C16orf96: variants seen among roughly 807,000 people sequenced by gnomAD.
The protein encoded by C16orf96 is chromosome 16 open reading frame 96, also known as uncharacterized protein C16orf96.
In C16orf96, 108 loss-of-function variants were observed where a neutral mutation model predicts 103.6. That is an observed-to-expected ratio of 1.04 (90% CI 0.89 to 1.22). The LOEUF (loss-of-function observed/expected upper bound fraction) is 1.22, where lower values mean the gene tolerates loss of function less well. Ranked by LOEUF, C16orf96 falls within the 50% of genes most tolerant of loss-of-function variation. C16orf96 has a pLI of 0.00. For synonymous variants in C16orf96, 566 were observed against 593.5 expected (o/e 0.95, Z 0.67); for missense variants, 1,586 against 1,464.2 (o/e 1.08, Z -1.36).
Position 4,593,296 on chromosome 16 carries a change from C to T in C16orf96, c.2847C>T (p.Tyr949=). 1 of 1,550,928 alleles carries T rather than the reference C, an allele frequency of 6.4e-7. No homozygotes were observed. The highest frequency in any genetic ancestry group is 8.7e-7 in the Non-Finnish European group (1 of 1,146,866). ...CAGCCAGCGCCAACAGCTGCGAGTA[C>T]TTGCAGCGGCAACAGATGAGGTGAG... is the stretch of plus-strand genomic sequence containing the variant. ...LRPASANSCE[Y]LQRQQMREQQ... Residue 949 remains tyrosine (Y), a synonymous_variant, in exon 12 of 16, where the codon TAC becomes TAT. Transcript: ENST00000444310. The surrounding 1 kb of genome is among the most constrained non-coding windows in gnomAD (Gnocchi z 4.2).
chr16:4,572,443 G>A (rs1289926910), intron 2 of C16orf96, among the ~76,000 whole-genome samples: 1 of 151,784 alleles, frequency 6.6e-6, no homozygotes, highest in Admixed American at 6.6e-5. Flanking sequence ...GGGACTACAG[G>A]CGCCCGCCCC....
chr16:4,577,895 T>G (rs2059532532), intron 5 of C16orf96, among the ~76,000 whole-genome samples: 1 of 152,040 alleles, frequency 6.6e-6, no homozygotes, highest in African/African-American at 2.4e-5. Flanking sequence ...AGGCAGAGGT[T>G]GCAGTGAGCA....
intron 1 of C16orf96, chr16:4,561,586 G>C (rs2059332005): frequency 2.0e-5 from 3 of 152,320 alleles, no homozygotes; most frequent in Non-Finnish European, 4.4e-5. Flanking sequence ...GCTCACAAAA[G>C]GGGCTCGTGG....
chr16:4,547,689 C>CTTCCTTCTTTCT, the C16orf96 span, among the ~76,000 whole-genome samples: 373 of 22,436 alleles, frequency 0.017, 2 homozygotes, highest in South Asian at 0.057. Context: ...TCCTTCCTTC[C>CTTCCTTCTTTCT]TTCTTTCTTT....
intron 15 of C16orf96, 64 bp downstream of exon 15, chr16:4,599,428 G>T (rs1053325473): frequency 7.2e-7 from 1 of 1,394,010 alleles, no homozygotes; most frequent in Admixed American, 2.0e-5. Flanking sequence ...GTCCCTCCTC[G>T]TCTCATCCCA....
In C16orf96 at chr16:4,594,455, G is replaced by T. The variant is rs1270780237; in HGVS notation, c.2972G>T (p.Cys991Phe). 2 of 1,551,556 alleles carry T rather than the reference G, an allele frequency of 1.3e-6. No individual in the cohort carries two copies. The highest frequency in any genetic ancestry group is 1.7e-6 in the Non-Finnish European group (2 of 1,147,000). ...GCCACCAGCCTCAAGTGCAAGTCCT[G>T]CAACCTGTTGACGCTCTATCCCTAC... is the stretch of plus-strand genomic sequence containing the variant. ...QNATSLKCKS[C>F]NLLTLYPYGD... Residue 991 changes from cysteine (C) to phenylalanine (F), a missense_variant, in exon 13 of 16, where the codon TGC becomes TTC. Cys to Phe is a radical substitution (Grantham distance 205). Transcript: ENST00000444310.
At position 4,594,743 on chromosome 16, in the gene C16orf96, A is replaced by C. The variant is rs886360188; in HGVS notation, c.3067A>C (p.Lys1023Gln). The C allele has an allele frequency of 1.1e-5, 17 of 1,551,138 alleles. No homozygotes were observed. Among genetic ancestry groups the C allele is most frequent in the African/African-American group, 2.7e-5 (2 of 73,044 alleles). Residue 1023 changes from lysine to glutamine, a missense_variant, in exon 14 of 16, where the codon AAA becomes CAA. By Grantham distance (53) the Lys-to-Gln change is moderately conservative (BLOSUM62 1). Transcript: ENST00000444310. Reference sequence around the variant, plus strand: ...CCTGGGCGTGGATGGGATCCTGTACAAAGGCCGCGTGAACAGCCAGCGTGG... The same window carrying C: ...CCTGGGCGTGGATGGGATCCTGTACCAAGGCCGCGTGAACAGCCAGCGTGG... ...DILGVDGILY[K>Q]GRVNSQRGAQ...
chr16:4,586,750 G>A (rs977381065), intron 7 of C16orf96, among the ~76,000 whole-genome samples: 5 of 152,202 alleles, frequency 3.3e-5, no homozygotes, highest in African/African-American at 9.7e-5. Context: ...GAGCGAAATC[G>A]TCCACATTGG....
rs1333645692 is a variant in C16orf96, at chr16:4,588,326, A to G, written c.2587A>G (p.Thr863Ala). The G allele has an allele frequency of 1.3e-6, 2 of 1,548,212 alleles. No individual in the cohort carries two copies. Among genetic ancestry groups the G allele is most frequent in the Non-Finnish European group, 1.7e-6 (2 of 1,144,392 alleles). The stretch of plus-strand genomic sequence containing the variant: ...GGAGGAGCTCAGCAAGGACGTGAAC[A>G]CCAAGGTGAATGCCCCCATGTTGAT... ...AMEELSKDVNTKLVHSDLDPL... is the reference protein window; with the variant it reads ...AMEELSKDVNAKLVHSDLDPL... Residue 863 changes from threonine (T) to alanine (A), a missense_variant, in exon 9 of 16, where the codon ACC becomes GCC. Physicochemically the swap from Thr to Ala is moderately conservative, Grantham distance 58 (BLOSUM62 0). Transcript: ENST00000444310.
chr16:4,548,918 C>T, the C16orf96 span, among the ~76,000 whole-genome samples: 4 of 151,308 alleles, frequency 2.6e-5, no homozygotes, highest in Admixed American at 1.3e-4. Context: ...TCCACTTTCT[C>T]TATAACCAGT....
chr16:4,594,669 G>A (rs1897132820), intron 13 of C16orf96, 35 bp from the exon 14 acceptor site: 2 of 1,549,544 alleles, frequency 1.3e-6, no homozygotes, highest in East Asian at 2.4e-5. Context: ...ATCGGGTCGG[G>A]GGCTCCCTAA....
the C16orf96 span, among the ~76,000 whole-genome samples, chr16:4,540,103 C>T: frequency 1.3e-5 from 2 of 152,216 alleles, no homozygotes; most frequent in East Asian, 3.8e-4. Context: ...TACATTGGCT[C>T]TATCTGGGCA....
intron 1 of C16orf96, among the ~76,000 whole-genome samples, chr16:4,567,515 C>T (rs917900743): frequency 3.3e-5 from 5 of 150,686 alleles, no homozygotes; most frequent in Non-Finnish European, 4.4e-5. Flanking sequence ...TTTGATCTGA[C>T]CTCATCATCC....
rs58065868 is a variant in C16orf96 at position 4,581,141 on chromosome 16, CATATATATATATATATAT to C, written c.2352+1042_2352+1059del. ...CTCTGTCTAAAAATATATATGTATA[CATATATATATATATATAT>C]ATATATATATATATATATATATATA... On this transcript the variant is annotated intron_variant, in intron 7 of 15. Transcript: ENST00000444310. Among the ~76,000 whole-genome samples the C allele has an allele frequency of 7.0e-3, 329 of 46,752 alleles. 8 individuals are homozygous for C. The highest frequency in any genetic ancestry group is 0.032 in the South Asian group (26 of 822). The allele number at this position is 46,752 out of a possible 152,430, so 30.7% of individuals were successfully genotyped here.
At chr16:4,541,945 T>A in the C16orf96 span, among the ~76,000 whole-genome samples, 1 of 152,214 alleles carries the variant, frequency 6.6e-6, no homozygotes, top group Non-Finnish European at 1.5e-5. Context: ...GGTTCAGTGT[T>A]TGCTTAATTC....
rs566045142 is a variant in C16orf96 at position 4,591,184 on chromosome 16, C to A, written c.2593-482C>A. ...CCTGGGCAACAGAGCGAGACTCTGT[C>A]TCAAAAATAAATAAATAAAATTAAA... On this transcript the variant is annotated intron_variant, in intron 9 of 15. Transcript: ENST00000444310. Among the ~76,000 whole-genome samples, 14 of 152,236 alleles carry A rather than the reference C, an allele frequency of 9.2e-5. 1 individual carries two copies. The South Asian group carries it at 2.7e-3, about 29-fold the overall frequency.
the C16orf96 span, among the ~76,000 whole-genome samples, chr16:4,541,894 C>T: frequency 2.0e-5 from 3 of 152,190 alleles, no homozygotes; most frequent in Admixed American, 1.3e-4. Flanking sequence ...ATGTTGTGTC[C>T]ACAGGCTCAC....
intron 1 of C16orf96, among the ~76,000 whole-genome samples, chr16:4,559,532 C>T (rs2141691305): frequency 6.8e-6 from 1 of 146,726 alleles, no homozygotes; most frequent in South Asian, 2.2e-4. Flanking sequence ...GCCTGGGCAA[C>T]AGAGCAAGAC....
intron 1 of C16orf96, among the ~76,000 whole-genome samples, chr16:4,569,410 T>G (rs1023447451): frequency 1.5e-4 from 23 of 152,182 alleles, no homozygotes; most frequent in African/African-American, 5.3e-4. Flanking sequence ...TTATTTTCTC[T>G]TCCTTTCTCC....
Sources: gnomAD v4.1 joint callset for allele counts (sites outside exome capture counted in the v4.1 genomes callset) on GRCh38, gnomAD v4.1.1 for gene constraint, Gnocchi (gnomAD v3.1) non-coding constraint, MANE v1.5 for transcripts, NCBI Gene and HGNC (gene_info 2026-07-23, HGNC 2026-07-21) for gene names.